UBE2G1: variants seen among roughly 807,000 people sequenced by gnomAD.
The protein encoded by UBE2G1 is ubiquitin conjugating enzyme E2 G1.
A neutral mutation model predicts 22.7 loss-of-function variants in UBE2G1; 5 were observed. The ratio of observed to expected loss-of-function variants is 0.22; its 90% confidence interval spans 0.12 to 0.46. The LOEUF is 0.46. UBE2G1 is among the 20% of genes least tolerant of loss of function. The pLI is 0.99. For missense variants in UBE2G1, 88 were observed against 203.9 expected (o/e 0.43, Z 3.46); for synonymous variants, 74 against 67.5 (o/e 1.10, Z -0.47).
chr17:4,341,911 C>T (rs183846967), intron 1 of UBE2G1, among the ~76,000 whole-genome samples: 7 of 152,302 alleles, frequency 4.6e-5, no homozygotes, highest in Admixed American at 1.3e-4. Flanking sequence ...ACCTCACTGA[C>T]GCCGCTCACA....
At chr17:4,344,144 G>A (rs1206323219) in intron 1 of UBE2G1, among the ~76,000 whole-genome samples, 1 of 152,136 alleles carries the variant, frequency 6.6e-6, no homozygotes, top group Non-Finnish European at 1.5e-5. Context: ...TTCATAGGAG[G>A]AATAAATTGC....
Position 4,333,563 on chromosome 17 carries a change from T to C in UBE2G1, c.47-26440A>G, listed in dbSNP as rs527994147. Among the ~76,000 whole-genome samples the C allele has an allele frequency of 2.2e-4, 33 of 152,172 alleles. 1 individual carries two copies. Among genetic ancestry groups the C allele is most frequent in the Admixed American group, 2.2e-3 (33 of 15,270 alleles). On this transcript the variant is annotated intron_variant, in intron 1 of 5. Transcript: ENST00000396981. ...CTGGCCAGGTGTGGTGGCTCACACCTGTAATCCCAGCACTTTGGGAGGCTG... is the reference window on the plus strand; with the variant it reads ...CTGGCCAGGTGTGGTGGCTCACACCCGTAATCCCAGCACTTTGGGAGGCTG...
chr17:4,347,759 A>T (rs1969796277), intron 1 of UBE2G1, among the ~76,000 whole-genome samples: 1 of 152,108 alleles, frequency 6.6e-6, no homozygotes, highest in Admixed American at 6.5e-5. Flanking sequence ...TAAAGGCGTG[A>T]GCCACCGCGC....
In UBE2G1 at chr17:4,271,134, T is replaced by TTTC. The variant is rs1296276602; in HGVS notation, c.*1419_*1420insGAA. 2 of 152,286 alleles carry TTTC rather than the reference T, an allele frequency of 1.3e-5. No homozygotes were observed. Among genetic ancestry groups the TTTC allele is most frequent in the African/African-American group, 4.8e-5 (2 of 41,464 alleles). 9.4% of individuals were successfully genotyped at this position (152,286 alleles called of 1,614,324 possible). A position where few individuals can be genotyped will look rare whatever the true frequency, so the allele number is the denominator to read the frequency against. Reference sequence around the variant, plus strand: ...TCATTTTACCATTTGCTGAAGTTGTTTTAGAAAACTGTATGATATGAAATA... The same window carrying TTTC: ...TCATTTTACCATTTGCTGAAGTTGTTTTCTTAGAAAACTGTATGATATGAAATA... On this transcript the variant is annotated 3_prime_UTR_variant, in exon 6 of 6. Coordinates refer to ENST00000396981, the MANE Select transcript of UBE2G1 (RefSeq NM_003342.5).
chr17:4,270,793 G>A lies in UBE2G1; in HGVS notation c.*1761C>T, dbSNP rs779076985. 6.6e-6 allele frequency: 1 copy of A among 152,098 alleles called. No individual in the cohort carries two copies. Among genetic ancestry groups the A allele is most frequent in the Admixed American group, 6.6e-5 (1 of 15,262 alleles). 9.4% of individuals were successfully genotyped at this position (152,098 alleles called of 1,614,324 possible). On this transcript the variant is annotated 3_prime_UTR_variant, in exon 6 of 6. Coordinates refer to ENST00000396981, the MANE Select transcript of UBE2G1 (RefSeq NM_003342.5). ...GGTTTTTATAACGCTTCAGAGTAGA[G>A]GACAGGGACTTAGAAAAAAATCACT...
chr17:4,319,514 T>C (rs1024212077), intron 1 of UBE2G1, among the ~76,000 whole-genome samples: 1 of 152,154 alleles, frequency 6.6e-6, no homozygotes, highest in East Asian at 1.9e-4. Context: ...GGCAAGTAGA[T>C]GCTTGAACCC....
At chr17:4,325,113 CA>C (rs879457194) in intron 1 of UBE2G1, among the ~76,000 whole-genome samples, 2,283 of 142,226 alleles carry the variant, frequency 0.016, 46 homozygotes, top group African/African-American at 0.054. Context: ...AAACAAAAAA[CA>C]AAAAAAAAAA....
At chr17:4,293,031 C>T (rs918617276) in intron 3 of UBE2G1, among the ~76,000 whole-genome samples, 12 of 152,172 alleles carry the variant, frequency 7.9e-5, no homozygotes, top group Non-Finnish European at 1.5e-4. Context: ...TTAATGGTTT[C>T]TGTCTAGTAT....
intron 1 of UBE2G1, among the ~76,000 whole-genome samples, chr17:4,325,244 C>T: frequency 6.6e-6 from 1 of 152,080 alleles, no homozygotes; most frequent in East Asian, 1.9e-4. Flanking sequence ...ATAGAATGTA[C>T]AATACCAAAA....
chr17:4,291,828 AT>A (rs1376597774), intron 3 of UBE2G1, among the ~76,000 whole-genome samples: 1 of 152,060 alleles, frequency 6.6e-6, no homozygotes, highest in Non-Finnish European at 1.5e-5. Context: ...ACTTTTCTAA[AT>A]GCTTTTGGGG....
At chr17:4,306,957 A>G in intron 2 of UBE2G1, 64 bp downstream of exon 2, 1 of 1,500,298 alleles carries the variant, frequency 6.7e-7, no homozygotes, top group South Asian at 1.1e-5. Flanking sequence ...GCCTGCCAAA[A>G]TAGTTTTTAA....
At chr17:4,337,261 A>G (rs1259937004) in intron 1 of UBE2G1, among the ~76,000 whole-genome samples, 6 of 150,096 alleles carry the variant, frequency 4.0e-5, no homozygotes, top group African/African-American at 9.8e-5. Context: ...GGATCCCTTG[A>G]GCCCAGGAGG....
intron 1 of UBE2G1, among the ~76,000 whole-genome samples, chr17:4,339,669 T>C (rs1034420784): frequency 2.6e-5 from 4 of 152,142 alleles, no homozygotes; most frequent in Middle Eastern, 6.8e-3. Flanking sequence ...CTGACCAACA[T>C]GGAAAAACCA....
intron 5 of UBE2G1, among the ~76,000 whole-genome samples, chr17:4,275,892 G>C (rs528899714): frequency 1.3e-5 from 2 of 152,108 alleles, no homozygotes; most frequent in African/African-American, 4.8e-5. Flanking sequence ...CGTGCTGCTC[G>C]TCGTCTTCTA....
intron 1 of UBE2G1, among the ~76,000 whole-genome samples, chr17:4,312,322 C>T (rs978967531): frequency 1.3e-5 from 2 of 152,130 alleles, no homozygotes; most frequent in African/African-American, 2.4e-5. Context: ...TAAGTTGATG[C>T]ATCACCCAAG....
At chr17:4,331,553 G>A (rs1427858405) in intron 1 of UBE2G1, among the ~76,000 whole-genome samples, 1 of 152,100 alleles carries the variant, frequency 6.6e-6, no homozygotes, top group Non-Finnish European at 1.5e-5. Context: ...TGGCCTAATC[G>A]TGTCTTCTAG....
At chr17:4,286,151 T>C (rs1272709640) in intron 4 of UBE2G1, among the ~76,000 whole-genome samples, 2 of 152,074 alleles carry the variant, frequency 1.3e-5, no homozygotes, top group Non-Finnish European at 2.9e-5. Flanking sequence ...ACACCTGTAA[T>C]CCCAACACTT....
intron 1 of UBE2G1, among the ~76,000 whole-genome samples, chr17:4,317,910 G>A (rs1449835358): frequency 6.6e-6 from 1 of 152,172 alleles, no homozygotes; most frequent in African/African-American, 2.4e-5. Flanking sequence ...AGTTTATAGT[G>A]TCACACAAAC....
intron 1 of UBE2G1, among the ~76,000 whole-genome samples, chr17:4,344,401 G>A (rs1969745939): frequency 6.6e-6 from 1 of 152,118 alleles, no homozygotes; most frequent in Non-Finnish European, 1.5e-5. Flanking sequence ...TTAGCTGGGT[G>A]TGGTGATGGG....
Sources: allele counts gnomAD v4.1 joint callset (sites outside exome capture counted in the v4.1 genomes callset), GRCh38; gene constraint gnomAD v4.1.1; transcripts MANE v1.5; gene names NCBI Gene and HGNC (gene_info 2026-07-23, HGNC 2026-07-21).